The following NOXRED1 variants were observed in gnomAD, a reference collection of about 807,000 sequenced individuals.
NOXRED1 encodes NADP-dependent oxidoreductase domain-containing protein 1.
NOXRED1 carries 20 observed loss-of-function variants against 30.4 expected under a neutral mutation model. The observed-to-expected ratio is 0.66, with a 90% confidence interval of 0.46 to 0.96. The LOEUF is 0.96. NOXRED1 is among the 40% of genes least tolerant of loss of function. NOXRED1 has a pLI of 0.00. For missense variants in NOXRED1, 374 were observed against 428.0 expected, an observed-to-expected ratio of 0.87 and a Z score of 1.11; for synonymous variants, 155 against 168.0, an observed-to-expected ratio of 0.92 and a Z score of 0.60.
intron 2 of NOXRED1, among the ~76,000 whole-genome samples, chr14:77,412,529 T>C (rs563745789): frequency 6.6e-6 from 1 of 152,270 alleles, no homozygotes; most frequent in South Asian, 2.1e-4. Context: ...GATTGATTAA[T>C]TGAGACAGAG....
intron 1 of NOXRED1, among the ~76,000 whole-genome samples, chr14:77,419,483 C>T (rs1182129152): frequency 8.7e-6 from 1 of 114,584 alleles, no homozygotes. Context: ...GAGTCTCGCT[C>T]TTTCGCCCAG....
Position 77,414,249 on chromosome 14 carries a change from T to A in NOXRED1, c.156-122A>T, listed in dbSNP as rs150553712. On this transcript the variant is annotated intron_variant, in intron 1 of 5. Coordinates refer to ENST00000380835, the MANE Select transcript of NOXRED1 (RefSeq NM_001113475.3). Reference sequence around the variant, plus strand: ...CAGGTTAGAGTGCAATGGGGTGATCTTGACTCACCGCAAGCTCCGCCTCCC... The same window carrying A: ...CAGGTTAGAGTGCAATGGGGTGATCATGACTCACCGCAAGCTCCGCCTCCC... 2.3e-3 allele frequency: 1,372 copies of A among 585,376 alleles called. 8 individuals are homozygous for A. Among genetic ancestry groups the A allele is most frequent in the Non-Finnish European group, 3.3e-3 (1,167 of 358,588 alleles). 36.3% of individuals were successfully genotyped at this position (585,376 alleles called of 1,614,324 possible). A position where few individuals can be genotyped will look rare whatever the true frequency, so the allele number is the denominator to read the frequency against.
chr14:77,419,487 C>T lies in NOXRED1; in HGVS notation c.155+3248G>A, dbSNP rs1286576863. On this transcript the variant is annotated intron_variant, in intron 1 of 5. Coordinates refer to ENST00000380835, the MANE Select transcript of NOXRED1 (RefSeq NM_001113475.3). ...TTTTTGAGACAGAGTCTCGCTCTTT[C>T]GCCCAGGCTGGACTGCAGTGGTGCA... Among the ~76,000 whole-genome samples, 35 of 122,632 alleles carry T rather than the reference C, an allele frequency of 2.9e-4. No individual in the cohort carries two copies. The Admixed American group carries it at 3.1e-3, about 11-fold the overall frequency. 80.5% of individuals were successfully genotyped at this position (122,632 alleles called of 152,430 possible).
intron 5 of NOXRED1, among the ~76,000 whole-genome samples, chr14:77,398,780 C>A (rs1894249370): frequency 6.6e-6 from 1 of 151,984 alleles, no homozygotes; most frequent in Admixed American, 6.6e-5. Context: ...ACCAGCCTGG[C>A]CAACATGGTG....
rs1197256843 is a variant in NOXRED1 at position 77,423,521 on chromosome 14, A to G, written c.-632T>C. 7.8e-6 allele frequency: 1 copy of G among 127,740 alleles called. No individual in the cohort carries two copies. The highest frequency in any genetic ancestry group is 1.7e-5 in the Non-Finnish European group (1 of 60,326). The allele number at this position is 127,740 out of a possible 1,614,324, so 7.9% of individuals were successfully genotyped here. ...CTCAGTACTTCTGATCCTGGAAGGT[A>G]AGAACTACATTTCTAAGGAGAATTA... On this transcript the variant is annotated 5_prime_UTR_variant, in exon 1 of 6. Coordinates refer to ENST00000380835, the MANE Select transcript of NOXRED1 (RefSeq NM_001113475.3).
intron 2 of NOXRED1, among the ~76,000 whole-genome samples, chr14:77,409,449 T>C (rs971695283): frequency 5.3e-5 from 8 of 152,222 alleles, no homozygotes; most frequent in Non-Finnish European, 8.8e-5. Flanking sequence ...ACCATGACTG[T>C]AAGTTTCCTG....
chr14:77,422,714 G>A (rs1256468998), intron 1 of NOXRED1, 21 bp downstream of exon 1: 1 of 1,611,146 alleles, frequency 6.2e-7, no homozygotes, highest in Non-Finnish European at 8.5e-7. Context: ...CCATCTTCCT[G>A]AATTTGGATA....
chr14:77,425,171 T>C (rs1352420664), upstream of NOXRED1, among the ~76,000 whole-genome samples: 2 of 152,214 alleles, frequency 1.3e-5, no homozygotes, highest in South Asian at 4.1e-4. Context: ...CACTTTATAA[T>C]GATCTTCCCT....
intron 2 of NOXRED1, among the ~76,000 whole-genome samples, 193 bp from the exon 3 acceptor site, chr14:77,407,838 C>T (rs893304745): frequency 6.6e-6 from 1 of 151,606 alleles, no homozygotes; most frequent in African/African-American, 2.4e-5. Flanking sequence ...ATTACTAAAG[C>T]AGCAGTAGTA....
At chr14:77,399,313 A>G (rs936158546) in intron 5 of NOXRED1, among the ~76,000 whole-genome samples, 4 of 151,964 alleles carry the variant, frequency 2.6e-5, no homozygotes, top group African/African-American at 7.3e-5. Flanking sequence ...AAACTAGCCA[A>G]GCATGGTGGC....
intron 2 of NOXRED1, among the ~76,000 whole-genome samples, chr14:77,411,080 A>G (rs1410015601): frequency 6.6e-6 from 1 of 152,240 alleles, no homozygotes; most frequent in Non-Finnish European, 1.5e-5. Context: ...CAGAAACTGC[A>G]AACAGCCTAA....
At chr14:77,417,320 T>C (rs1214328139) in intron 1 of NOXRED1, among the ~76,000 whole-genome samples, 2 of 152,258 alleles carry the variant, frequency 1.3e-5, no homozygotes, top group East Asian at 1.9e-4. Flanking sequence ...TGGTGTGTCA[T>C]GTTGTTCAAG....
Position 77,420,026 on chromosome 14 carries a change from T to C in NOXRED1, c.155+2709A>G, listed in dbSNP as rs141196109. Among the ~76,000 whole-genome samples the C allele has an allele frequency of 1.4e-3, 219 of 152,292 alleles. 1 individual carries two copies. Among genetic ancestry groups the C allele is most frequent in the African/African-American group, 5.0e-3 (208 of 41,562 alleles). On this transcript the variant is annotated intron_variant, in intron 1 of 5. Transcript: ENST00000380835. ...TCCATTTCCTTCCTCAGATCTGGGATGTTTTTGGCCATTATTTCTTCAAAT... is the reference window on the plus strand; with the variant it reads ...TCCATTTCCTTCCTCAGATCTGGGACGTTTTTGGCCATTATTTCTTCAAAT...
intron 2 of NOXRED1, among the ~76,000 whole-genome samples, chr14:77,408,508 T>TA (rs1186199695): frequency 6.6e-6 from 1 of 151,972 alleles, no homozygotes; most frequent in Non-Finnish European, 1.5e-5. Flanking sequence ...ACTTTTTTTT[T>TA]AGGAAGAAAA....
intron 2 of NOXRED1, among the ~76,000 whole-genome samples, chr14:77,412,647 G>C (rs758800209): frequency 1.3e-5 from 2 of 152,016 alleles, no homozygotes; most frequent in African/African-American, 4.8e-5. Context: ...TGAGTAGCTG[G>C]GACTACAGGA....
Position 77,394,578 on chromosome 14 carries a change from A to G in NOXRED1, c.*53T>C, listed in dbSNP as rs1894130271. 3.6e-6 allele frequency: 5 copies of G among 1,390,946 alleles called. No homozygotes were observed. Among genetic ancestry groups the G allele is most frequent in the Non-Finnish European group, 5.1e-6 (5 of 987,640 alleles). The allele number at this position is 1,390,946 out of a possible 1,614,324, so 86.2% of individuals were successfully genotyped here. Reference sequence around the variant, plus strand: ...AGTCAATTGTGATAATCAGGGCACAACTATTATAGGGAAAATCTGTGAGTG... The same window carrying G: ...AGTCAATTGTGATAATCAGGGCACAGCTATTATAGGGAAAATCTGTGAGTG... On this transcript the variant is annotated 3_prime_UTR_variant, in exon 6 of 6. Coordinates refer to ENST00000380835, the MANE Select transcript of NOXRED1 (RefSeq NM_001113475.3).
intron 1 of NOXRED1, among the ~76,000 whole-genome samples, chr14:77,416,862 C>A (rs557638840): frequency 6.7e-6 from 1 of 149,736 alleles, no homozygotes; most frequent in Admixed American, 6.6e-5. Flanking sequence ...CCGGACGGGG[C>A]GGCTGGCCGG....
chr14:77,416,895 A>G (rs1894843334), intron 1 of NOXRED1, among the ~76,000 whole-genome samples: 1 of 152,196 alleles, frequency 6.6e-6, no homozygotes. Flanking sequence ...CTCACCTCCC[A>G]GTAGGGGCGG....
chr14:77,419,030 G>A (rs531386196), intron 1 of NOXRED1, among the ~76,000 whole-genome samples: 123 of 149,840 alleles, frequency 8.2e-4, no homozygotes, highest in Non-Finnish European at 1.6e-3. Flanking sequence ...GGAGTGATGA[G>A]GTTTTTTGTT....
Sources: allele counts gnomAD v4.1 joint callset (sites outside exome capture counted in the v4.1 genomes callset), GRCh38; gene constraint gnomAD v4.1.1; transcripts MANE v1.5; gene names NCBI Gene and HGNC (gene_info 2026-07-23, HGNC 2026-07-21).